TTLL5: variants seen among roughly 807,000 people sequenced by gnomAD.
TTLL5 encodes the protein tubulin tyrosine ligase like 5, also known as tubulin polyglutamylase TTLL5.
Under a neutral mutation model 168.4 loss-of-function variants are expected in TTLL5, and 132 were observed. That is an observed-to-expected ratio of 0.78 (90% CI 0.68 to 0.91). The LOEUF is 0.91. Ranked by LOEUF, TTLL5 falls within the 40% of genes least tolerant of loss-of-function variation. The pLI, the probability that TTLL5 is intolerant of heterozygous loss-of-function variation, is 0.00. For missense variants in TTLL5, 1,545 were observed against 1,581.5 expected (o/e 0.98, Z 0.39); for synonymous variants, 546 against 558.6 (o/e 0.98, Z 0.32).
At chr14:75,788,483 T>C (rs1892509976) in intron 26 of TTLL5, among the ~76,000 whole-genome samples, 1 of 152,090 alleles carries the variant, frequency 6.6e-6, no homozygotes. Context: ...TAATCTTAAC[T>C]TTATTCCAAT....
intron 20 of TTLL5, 76 bp from the exon 21 acceptor site, chr14:75,771,658 T>A (rs1462063730): frequency 3.1e-6 from 5 of 1,589,898 alleles, no homozygotes; most frequent in Admixed American, 3.5e-5. Context: ...CAAAGGCCAC[T>A]TGGAGAGAAG....
At chr14:75,734,361 T>A (rs1224339637) in intron 14 of TTLL5, among the ~76,000 whole-genome samples, 1 of 152,190 alleles carries the variant, frequency 6.6e-6, no homozygotes, top group Non-Finnish European at 1.5e-5. Context: ...TGAAGAAGCC[T>A]TGTTGCAAAG....
At chr14:75,809,965 C>T (rs12589528) in intron 27 of TTLL5, among the ~76,000 whole-genome samples, 100,772 of 151,934 alleles carry the variant, frequency 0.66, 35,081 homozygotes, top group Admixed American at 0.76. Context: ...TCCATTCATC[C>T]GTTGATGGAC....
intron 27 of TTLL5, among the ~76,000 whole-genome samples, chr14:75,801,634 G>T (rs1893332233): frequency 6.6e-6 from 1 of 151,970 alleles, no homozygotes; most frequent in African/African-American, 2.4e-5. Context: ...GTGTTGCAAA[G>T]CTCAATTATA....
chr14:75,688,682 G>A (rs1344833085), intron 5 of TTLL5, among the ~76,000 whole-genome samples: 3 of 152,170 alleles, frequency 2.0e-5, no homozygotes, highest in African/African-American at 7.2e-5. Flanking sequence ...CTCGAGGTAG[G>A]TAGGGTCAAA....
Position 75,914,030 on chromosome 14 carries a change from AAAAAT to A in TTLL5, c.3823+11808_3823+11812del, listed in dbSNP as rs1317058965. Among the ~76,000 whole-genome samples the A allele has an allele frequency of 2.2e-4, 26 of 117,124 alleles. 1 individual carries two copies. In the South Asian group the frequency reaches 6.3e-3, roughly 29 times the overall value. The allele number at this position is 117,124 out of a possible 152,430, so 76.8% of individuals were successfully genotyped here. On this transcript the variant is annotated intron_variant, in intron 31 of 31. Coordinates refer to ENST00000298832, the MANE Select transcript of TTLL5 (RefSeq NM_015072.5). ...ACTGTTTAAAAGGAAAAAAAAAAAA[AAAAAT>A]ATATATATATATATATATATTTTAT...
At chr14:75,855,593 A>C (rs988067377) in intron 28 of TTLL5, among the ~76,000 whole-genome samples, 4 of 152,138 alleles carry the variant, frequency 2.6e-5, no homozygotes, top group African/African-American at 9.7e-5. Flanking sequence ...GTAGAGGGAG[A>C]GGGGAACTCT....
intron 17 of TTLL5, among the ~76,000 whole-genome samples, chr14:75,751,175 TATC>T (rs1889923012): frequency 6.6e-6 from 1 of 152,190 alleles, no homozygotes; most frequent in South Asian, 2.1e-4. Context: ...CCTGAGCACT[TATC>T]ATGCACTGTG....
chr14:75,887,812 C>T (rs2032194709), intron 30 of TTLL5, among the ~76,000 whole-genome samples: 1 of 152,224 alleles, frequency 6.6e-6, no homozygotes, highest in Non-Finnish European at 1.5e-5. Flanking sequence ...TCACTCCTCT[C>T]TTTTTCCATA....
intron 10 of TTLL5, among the ~76,000 whole-genome samples, chr14:75,719,313 C>T (rs985893783): frequency 6.6e-6 from 1 of 152,192 alleles, no homozygotes; most frequent in African/African-American, 2.4e-5. Context: ...CTCACTCACC[C>T]ATTCCAACTC....
chr14:75,773,776 G>C (rs1359877861), intron 21 of TTLL5, among the ~76,000 whole-genome samples: 1 of 150,932 alleles, frequency 6.6e-6, no homozygotes, highest in African/African-American at 2.4e-5. Context: ...TATAGTCCCA[G>C]CTACTTGGGA....
At chr14:75,874,845 T>C (rs2178866) in intron 29 of TTLL5, among the ~76,000 whole-genome samples, 135,568 of 151,472 alleles carry the variant, frequency 0.9, 60,842 homozygotes, top group African/African-American at 0.95. Flanking sequence ...TGCGTGCACA[T>C]GTACATATGG....
In TTLL5 at chr14:75,783,371, G is replaced by A. The variant is rs1475436632; in HGVS notation, c.2827G>A (p.Ala943Thr). Residue 943 changes from alanine (A) to threonine (T), a missense_variant, in exon 26 of 32, where the codon GCT becomes ACT. By Grantham distance (58) the Ala-to-Thr change is moderately conservative (BLOSUM62 0). Coordinates refer to ENST00000298832, the MANE Select transcript of TTLL5 (RefSeq NM_015072.5). ...TTTACTGAACACAGTCTCTGCCAGT[G>A]CTTCTCCCTGCCTACATCCCGGGGC... ...TILLNTVSASASPCLHPGAQN... is the reference protein window; with the variant it reads ...TILLNTVSASTSPCLHPGAQN... 6.2e-7 allele frequency: 1 copy of A among 1,614,046 alleles called. No individual in the cohort carries two copies. Among genetic ancestry groups the A allele is most frequent in the African/African-American group, 1.3e-5 (1 of 74,902 alleles).
Position 75,722,197 on chromosome 14 carries a change from C to G in TTLL5, c.1042+1494C>G, listed in dbSNP as rs1887882520. Among the ~76,000 whole-genome samples the G allele has an allele frequency of 2.0e-5, 3 of 152,110 alleles. No individual in the cohort carries two copies. The South Asian group carries it at 6.2e-4, about 31-fold the overall frequency. On this transcript the variant is annotated intron_variant, in intron 12 of 31. Coordinates refer to ENST00000298832, the MANE Select transcript of TTLL5 (RefSeq NM_015072.5). ...TCTCCTTCTGTCTCTGCCTTGCATG[C>G]TCCCATTTCTTTTCTAAGATTTAGT...
At chr14:75,738,753 A>T (rs1889060915) in intron 15 of TTLL5, among the ~76,000 whole-genome samples, 1 of 152,200 alleles carries the variant, frequency 6.6e-6, no homozygotes, top group African/African-American at 2.4e-5. Flanking sequence ...ACTCTTTCAT[A>T]GCCTGTGGCA....
chr14:75,942,233 G>T (rs1363327296), intron 31 of TTLL5, among the ~76,000 whole-genome samples: 3 of 152,068 alleles, frequency 2.0e-5, no homozygotes, highest in Non-Finnish European at 4.4e-5. Flanking sequence ...GCTGATGAGT[G>T]GTAGAAGCAC....
chr14:75,910,905 G>A (rs372774994), intron 31 of TTLL5, among the ~76,000 whole-genome samples: 3 of 152,130 alleles, frequency 2.0e-5, no homozygotes, highest in Admixed American at 6.5e-5. Context: ...CTTTGTTCTC[G>A]TCTTTTGAAC....
At chr14:75,873,957 T>A (rs774502648) in intron 29 of TTLL5, among the ~76,000 whole-genome samples, 25 of 152,216 alleles carry the variant, frequency 1.6e-4, no homozygotes, top group Non-Finnish European at 2.6e-4. Flanking sequence ...AGCACATTTT[T>A]AAAACTAATA....
chr14:75,939,783 T>C (rs925210415), intron 31 of TTLL5, among the ~76,000 whole-genome samples: 4 of 152,184 alleles, frequency 2.6e-5, no homozygotes, highest in Non-Finnish European at 5.9e-5. Context: ...CTTTGACTCA[T>C]TAATGCTGCA....
Sources: allele counts gnomAD v4.1 joint callset (sites outside exome capture counted in the v4.1 genomes callset), GRCh38; gene constraint gnomAD v4.1.1; transcripts MANE v1.5; gene names NCBI Gene and HGNC (gene_info 2026-07-23, HGNC 2026-07-21).